Variants in EPS8L3 observed in about 807,000 individuals in gnomAD.
EPS8L3 encodes EPS8 signaling adaptor L3.
EPS8L3 carries 80 observed loss-of-function variants against 88.5 expected under a neutral mutation model. The ratio of observed to expected loss-of-function variants is 0.90; its 90% CI spans 0.75 to 1.09. The LOEUF (loss-of-function observed/expected upper bound fraction) is 1.09. Ranked by LOEUF, EPS8L3 falls within the 50% of genes least tolerant of loss-of-function variation. The probability of loss-of-function intolerance (pLI) is 0.00; values close to 1 mark genes in which losing one functional copy is unlikely to be tolerated. For synonymous variants in EPS8L3, 286 were observed against 291.0 expected (o/e 0.98, Z 0.18); for missense variants, 721 against 735.2 (o/e 0.98, Z 0.22).
chr1:109,757,234 C>T, intron 11 of EPS8L3, 69 bp from the exon 12 acceptor site: 1 of 1,487,216 alleles, frequency 6.7e-7, no homozygotes, highest in Non-Finnish European at 9.0e-7. Context: ...GGGAAAGGCC[C>T]AGAGTCCCTG....
intron 3 of EPS8L3, 101 bp downstream of exon 3, chr1:109,761,394 G>T (rs550549833): frequency 9.6e-7 from 1 of 1,038,310 alleles, no homozygotes; most frequent in Non-Finnish European, 1.4e-6. Flanking sequence ...GGCTTCTGGG[G>T]CAGGGACTTG....
At chr1:109,751,190 C>T in intron 17 of EPS8L3, 88 bp downstream of exon 17, 2 of 1,174,054 alleles carry the variant, frequency 1.7e-6, no homozygotes, top group Non-Finnish European at 2.5e-6. Context: ...ACAATGTAGG[C>T]CAGGTTGTAT....
Position 109,759,272 on chromosome 1 carries a change from G to C in EPS8L3, c.371C>G (p.Thr124Ser). ...CTGGCACTGGAAGAGCAGAGTGCTA[G>C]TGCCTGGCAGGCCCGGCTCCTGCAC... ...ITVQEPGLPG[T>S]STLLFQCQEV... Residue 124 changes from threonine (T) to serine (S), a missense_variant, in exon 5 of 19, where the codon ACT becomes AGT. Coordinates refer to ENST00000361965, the MANE Select transcript of EPS8L3 (RefSeq NM_133181.4). The surrounding 1 kb of genome is among the most constrained non-coding windows in gnomAD (Gnocchi z 4.2). The C allele has an allele frequency of 6.2e-7, 1 of 1,614,146 alleles. No homozygotes were observed. Among genetic ancestry groups the C allele is most frequent in the Non-Finnish European group, 8.5e-7 (1 of 1,180,010 alleles).
rs780382312 is a variant in EPS8L3, at chr1:109,757,896, A to G, written c.833-33T>C. On this transcript the variant is annotated intron_variant, in intron 9 of 18. Transcript: ENST00000361965. ...AAGGGGCCAAGACGGTGGGCCAGAG[A>G]TCACCCTGAGACACCCCTACTCCTC... 1.9e-6 allele frequency: 3 copies of G among 1,613,470 alleles called. No individual in the cohort carries two copies. In the South Asian group the frequency reaches 3.3e-5, roughly 18 times the overall value.
chr1:109,750,204 A>G lies in EPS8L3; in HGVS notation c.*187T>C. The G allele has an allele frequency of 3.0e-6, 2 of 675,668 alleles. No individual in the cohort carries two copies. Among genetic ancestry groups the G allele is most frequent in the Non-Finnish European group, 5.1e-6 (2 of 393,018 alleles). The allele number at this position is 675,668 out of a possible 1,614,324, so 41.9% of individuals were successfully genotyped here. ...ATAGGTGGTTACTGGGGAGGCTCCA[A>G]CACAGCCAGAAGGGACACTGTTTGC... On this transcript the variant is annotated 3_prime_UTR_variant, in exon 19 of 19. Transcript: ENST00000361965.
At position 109,758,595 on chromosome 1, in the gene EPS8L3, G is replaced by C; in HGVS notation, c.530C>G (p.Pro177Arg). ...WRGPAMERPL[P>R]MEQARYLEPG... is the part of the protein sequence containing the mutation. ...CTCCAGATAGCGTGCCTGCTCCATAGGGAGCGGCCTTTCCATAGCAGGCCC... is the reference window on the plus strand; with the variant it reads ...CTCCAGATAGCGTGCCTGCTCCATACGGAGCGGCCTTTCCATAGCAGGCCC... The change falls in exon 7 of 19, where the codon CCT (proline) becomes CGT (arginine). Residue 177 changes from proline (P) to arginine (R), a missense_variant. By Grantham distance (103) the Pro-to-Arg change is moderately radical. Coordinates refer to ENST00000361965, the MANE Select transcript of EPS8L3 (RefSeq NM_133181.4). 1 of 1,613,288 alleles carries C rather than the reference G, an allele frequency of 6.2e-7. No individual in the cohort carries two copies. The highest frequency in any genetic ancestry group is 1.1e-5 in the South Asian group (1 of 90,948).
Position 109,761,846 on chromosome 1 carries a change from A to G in EPS8L3, c.-24-73T>C, listed in dbSNP as rs1651005001. On this transcript the variant is annotated intron_variant, in intron 1 of 18. Transcript: ENST00000361965. The stretch of plus-strand genomic sequence containing the variant: ...TGTACCAGGCACAGCAGGGCAGGAC[A>G]GTTGCTATTGCTCTGACTGGGGGCC... 2.2e-6 allele frequency: 3 copies of G among 1,377,450 alleles called. No homozygotes were observed. In the South Asian group the frequency reaches 3.5e-5, roughly 16 times the overall value. 85.3% of individuals were successfully genotyped at this position (1,377,450 alleles called of 1,614,324 possible). A position where few individuals can be genotyped will look rare whatever the true frequency, so the allele number is the denominator to read the frequency against.
In EPS8L3 at chr1:109,759,078, C is replaced by T. The variant is rs1388426382; in HGVS notation, c.445G>A (p.Glu149Lys). ...GCTGCCTACCTTTGCTCCAGCTCTT[C>T]CTCCAGAGCCTTCTGCAGGCTGGTC... is the stretch of plus-strand genomic sequence containing the variant. Reference protein sequence around the residue: ...LKTSLQKALEEELEQRPRLGG... With the variant: ...LKTSLQKALEKELEQRPRLGG... The change falls in exon 6 of 19, where the codon GAA becomes AAA. Residue 149 changes from glutamate (E) to lysine (K), a missense_variant. Transcript: ENST00000361965. The surrounding 1 kb of genome is among the most constrained non-coding windows in gnomAD (Gnocchi z 4.2). 6.2e-7 allele frequency: 1 copy of T among 1,607,670 alleles called. No homozygotes were observed. Among genetic ancestry groups the T allele is most frequent in the Non-Finnish European group, 8.5e-7 (1 of 1,177,900 alleles).
At chr1:109,753,560 G>A (rs1041429903) in intron 12 of EPS8L3, among the ~76,000 whole-genome samples, 12 of 152,210 alleles carry the variant, frequency 7.9e-5, no homozygotes, top group African/African-American at 2.7e-4. Context: ...GTCTTGTGCA[G>A]TATTTTTCTA....
chr1:109,751,862 G>C, intron 15 of EPS8L3, 80 bp from the exon 16 acceptor site: 1 of 1,593,174 alleles, frequency 6.3e-7, no homozygotes, highest in Admixed American at 1.7e-5. Context: ...TCTCCCTCCA[G>C]CTCTTTCCTA....
At chr1:109,758,709 G>T in intron 6 of EPS8L3, 46 bp from the exon 7 acceptor site, 1 of 1,518,668 alleles carries the variant, frequency 6.6e-7, no homozygotes, top group Non-Finnish European at 8.8e-7. Context: ...AGGTTCTTTG[G>T]AGAGAGGCCC....
In EPS8L3 at chr1:109,750,659, C is replaced by A. The variant is rs992185409; in HGVS notation, c.1770+1G>T. ...TTGTCAGGACCCCAGGGTGTCCTCACCCCCAGCATCCTTCTGACAGCCTCC... is the reference window on the plus strand; with the variant it reads ...TTGTCAGGACCCCAGGGTGTCCTCAACCCCAGCATCCTTCTGACAGCCTCC... On this transcript the variant is annotated splice_donor_variant, in intron 18 of 18. Transcript: ENST00000361965. LOFTEE classifies it high-confidence loss of function. 1.2e-6 allele frequency: 2 copies of A among 1,614,064 alleles called. No homozygotes were observed. The highest frequency in any genetic ancestry group is 1.7e-6 in the Non-Finnish European group (2 of 1,180,026).
Position 109,750,169 on chromosome 1 carries a change from G to A in EPS8L3, c.*222C>T. 1.7e-6 allele frequency: 1 copy of A among 600,978 alleles called. No individual in the cohort carries two copies. Among genetic ancestry groups the A allele is most frequent in the East Asian group, 2.8e-5 (1 of 35,754 alleles). The allele number at this position is 600,978 out of a possible 1,614,324, so 37.2% of individuals were successfully genotyped here. Reference sequence around the variant, plus strand: ...ATAAATGCTCCAGGTTTGGGAAAGAGGTAAAATAAATAGGTGGTTACTGGG... The same window carrying A: ...ATAAATGCTCCAGGTTTGGGAAAGAAGTAAAATAAATAGGTGGTTACTGGG... On this transcript the variant is annotated 3_prime_UTR_variant, in exon 19 of 19. Coordinates refer to ENST00000361965, the MANE Select transcript of EPS8L3 (RefSeq NM_133181.4).
Position 109,759,175 on chromosome 1 carries a change from G to GTA in EPS8L3, c.406-59_406-58insTA. 1 of 1,580,768 alleles carries GTA rather than the reference G, an allele frequency of 6.3e-7. No individual in the cohort carries two copies. The highest frequency in any genetic ancestry group is 8.7e-7 in the Non-Finnish European group (1 of 1,153,522). The stretch of plus-strand genomic sequence containing the variant: ...TGTGTGTGTGTGTGTGTGTGTGTGT[G>GTA]TGTGTGTGGTGGGGTGATGGTCGAT... On this transcript the variant is annotated intron_variant, in intron 5 of 18. Transcript: ENST00000361965. The surrounding 1 kb of genome is among the most constrained non-coding windows in gnomAD (Gnocchi z 4.2).
At chr1:109,758,218 C>A in intron 8 of EPS8L3, 98 bp downstream of exon 8, 1 of 1,352,272 alleles carries the variant, frequency 7.4e-7, no homozygotes, top group South Asian at 1.3e-5. Flanking sequence ...CCCTGGCCAT[C>A]CTGGGACCCT....
intron 12 of EPS8L3, among the ~76,000 whole-genome samples, chr1:109,755,658 A>G (rs916397865): frequency 1.3e-5 from 2 of 152,032 alleles, no homozygotes; most frequent in African/African-American, 4.8e-5. Context: ...AATACAAAAA[A>G]TAGCCAGACA....
At chr1:109,751,516 A>G in intron 16 of EPS8L3, 138 bp downstream of exon 16, 5 of 1,410,936 alleles carry the variant, frequency 3.5e-6, no homozygotes, top group Non-Finnish European at 4.9e-6. Context: ...TGGCCCCATG[A>G]TAAAGTTGGC....
intron 1 of EPS8L3, 106 bp from the exon 2 acceptor site, chr1:109,761,879 C>G: frequency 1.0e-6 from 1 of 997,400 alleles, no homozygotes; most frequent in East Asian, 2.6e-5. Flanking sequence ...GCCTCTGGGA[C>G]CAGACCCAAA....
chr1:109,757,311 G>T, intron 11 of EPS8L3, 146 bp from the exon 12 acceptor site: 1 of 1,159,538 alleles, frequency 8.6e-7, no homozygotes, highest in Non-Finnish European at 1.2e-6. Context: ...TGGGCCTGCT[G>T]CTCCTTCCTG....
Sources: allele counts gnomAD v4.1 joint callset (sites outside exome capture counted in the v4.1 genomes callset), GRCh38; gene constraint gnomAD v4.1.1; non-coding constraint Gnocchi (gnomAD v3.1); transcripts MANE v1.5; gene names NCBI Gene and HGNC (gene_info 2026-07-23, HGNC 2026-07-21).